Variants in SYT14 observed in about 807,000 individuals in gnomAD.
SYT14 encodes synaptotagmin 14.
SYT14 carries 32 observed loss-of-function variants against 74.2 expected under a neutral mutation model. That is an observed-to-expected ratio of 0.43 (90% CI 0.33 to 0.58). The LOEUF (loss-of-function observed/expected upper bound fraction) is 0.58, where lower values mean the gene tolerates loss of function less well. SYT14 is among the 20% of genes least tolerant of loss of function. The pLI, the probability that SYT14 is intolerant of heterozygous loss-of-function variation, is 0.05. For missense variants in SYT14, 791 were observed against 981.8 expected (o/e 0.81, Z 2.60); for synonymous variants, 298 against 337.7 (o/e 0.88, Z 1.29).
intron 5 of SYT14, among the ~76,000 whole-genome samples, chr1:210,062,152 G>A (rs1390408339): frequency 6.6e-6 from 1 of 151,944 alleles, no homozygotes; most frequent in East Asian, 1.9e-4. Flanking sequence ...ATGCATGACT[G>A]TCTGGTGTGC....
intron 2 of SYT14, among the ~76,000 whole-genome samples, chr1:209,980,945 T>C (rs2079472690): frequency 6.6e-6 from 1 of 152,232 alleles, no homozygotes; most frequent in Non-Finnish European, 1.5e-5. Flanking sequence ...TTTTTGTCCA[T>C]ATGAATTTTA....
intron 5 of SYT14, among the ~76,000 whole-genome samples, chr1:210,079,006 T>C (rs1461224239): frequency 6.6e-6 from 1 of 152,132 alleles, no homozygotes; most frequent in Non-Finnish European, 1.5e-5. Context: ...CAGCCCGTCC[T>C]GGCCTCTAAG....
intron 5 of SYT14, among the ~76,000 whole-genome samples, chr1:210,029,394 G>A (rs2080480584): frequency 6.6e-6 from 1 of 152,046 alleles, no homozygotes; most frequent in Non-Finnish European, 1.5e-5. Context: ...GAGTTTCGTA[G>A]TTTTAAGTCT....
In SYT14 at chr1:210,016,588, A is replaced by G. The variant is rs1022909497; in HGVS notation, c.585A>G (p.Gln195=). 48 of 1,231,886 alleles carry G rather than the reference A, an allele frequency of 3.9e-5. No homozygotes were observed. In the East Asian group the frequency reaches 1.5e-3, roughly 38 times the overall value. 76.3% of individuals were successfully genotyped at this position (1,231,886 alleles called of 1,614,324 possible). A position where few individuals can be genotyped will look rare whatever the true frequency, so the allele number is the denominator to read the frequency against. The change falls in exon 4 of 10, where the codon CAA becomes CAG. Residue 195 remains glutamine (Q), a synonymous_variant. Coordinates refer to ENST00000637265, the Ensembl canonical transcript of SYT14. ...ATGATTTAAAGGAGGTAGGATATCAAGAAATGAAAGGAAATCAGAAGAATG... is the reference window on the plus strand; with the variant it reads ...ATGATTTAAAGGAGGTAGGATATCAGGAAATGAAAGGAAATCAGAAGAATG...
chr1:210,005,016 C>G (rs1572145610), intron 2 of SYT14, among the ~76,000 whole-genome samples: 1 of 151,920 alleles, frequency 6.6e-6, no homozygotes, highest in East Asian at 1.9e-4. Context: ...CTTGTCATCA[C>G]TAACTGAACT....
intron 7 of SYT14, among the ~76,000 whole-genome samples, chr1:210,143,526 T>C (rs2102678510): frequency 6.6e-6 from 1 of 152,242 alleles, no homozygotes; most frequent in Middle Eastern, 3.4e-3. Flanking sequence ...ATGTCATATA[T>C]TATTTAGCGC....
Position 210,039,382 on chromosome 1 carries a change from A to G in SYT14, c.1312+18128A>G, listed in dbSNP as rs528518091. On this transcript the variant is annotated intron_variant, in intron 5 of 9. Transcript: ENST00000637265. ...TGCAGAATCTCCTGCCTCAGCCCCA[A>G]TCAAGATGGATTAAAGACTTAAACG... Among the ~76,000 whole-genome samples the G allele has an allele frequency of 3.3e-5, 5 of 151,998 alleles. No homozygotes were observed. The South Asian group carries it at 8.3e-4, about 25-fold the overall frequency.
At chr1:210,157,849 A>G (rs1184156291) in intron 8 of SYT14, among the ~76,000 whole-genome samples, 6 of 152,096 alleles carry the variant, frequency 3.9e-5, no homozygotes. Context: ...TGTCGTAAAA[A>G]TTATTTATTC....
Position 210,145,786 on chromosome 1 carries a change from T to C in SYT14, c.2035-9935T>C, listed in dbSNP as rs186101663. Among the ~76,000 whole-genome samples the C allele has an allele frequency of 9.8e-5, 15 of 152,288 alleles. No homozygotes were observed. In the East Asian group the frequency reaches 2.9e-3, roughly 29 times the overall value. ...CATACTTTCTTTGTGTGAAATGCCCTTCCCTATGCCTGCTGAAATACTATT... is the reference window on the plus strand; with the variant it reads ...CATACTTTCTTTGTGTGAAATGCCCCTCCCTATGCCTGCTGAAATACTATT... On this transcript the variant is annotated intron_variant, in intron 7 of 9. Transcript: ENST00000637265.
chr1:210,047,342 T>G (rs990628552), intron 5 of SYT14, among the ~76,000 whole-genome samples: 3 of 152,146 alleles, frequency 2.0e-5, no homozygotes, highest in Non-Finnish European at 4.4e-5. Context: ...TGCTTAGGTA[T>G]AGTTTTTTTT....
intron 2 of SYT14, among the ~76,000 whole-genome samples, chr1:210,009,348 G>T (rs566402116): frequency 6.6e-6 from 1 of 152,020 alleles, no homozygotes; most frequent in Non-Finnish European, 1.5e-5. Flanking sequence ...TTTATTAGAA[G>T]ATATTTTATT....
chr1:210,045,416 A>G (rs1188614025), intron 5 of SYT14, among the ~76,000 whole-genome samples: 1 of 152,232 alleles, frequency 6.6e-6, no homozygotes, highest in Non-Finnish European at 1.5e-5. Context: ...TTAAAAATTT[A>G]TAAGTTTAGT....
chr1:210,050,995 T>C (rs1199782398), intron 5 of SYT14, among the ~76,000 whole-genome samples: 1 of 152,196 alleles, frequency 6.6e-6, no homozygotes, highest in Non-Finnish European at 1.5e-5. Context: ...GATCTAGGTG[T>C]GCTTGTTACT....
At chr1:210,125,580 A>G (rs2082553353) in intron 7 of SYT14, among the ~76,000 whole-genome samples, 1 of 152,096 alleles carries the variant, frequency 6.6e-6, no homozygotes, top group African/African-American at 2.4e-5. Context: ...TCAGCTTTTC[A>G]GTGTTCTAGG....
chr1:210,131,386 G>A (rs990675260), intron 7 of SYT14, among the ~76,000 whole-genome samples: 1 of 151,930 alleles, frequency 6.6e-6, no homozygotes, highest in African/African-American at 2.4e-5. Flanking sequence ...ATTAATATAT[G>A]TAGAACTTGT....
intron 7 of SYT14, among the ~76,000 whole-genome samples, chr1:210,142,282 T>A (rs1478846502): frequency 2.0e-5 from 3 of 152,192 alleles, no homozygotes; most frequent in South Asian, 4.1e-4. Context: ...ATAGGGTATA[T>A]TTAAAATGCC....
chr1:209,948,496 T>G (rs990608240), intron 1 of SYT14, among the ~76,000 whole-genome samples: 2 of 152,252 alleles, frequency 1.3e-5, no homozygotes, highest in Non-Finnish European at 2.9e-5. Context: ...CTTGTCACTT[T>G]CTATCTGTTT....
At chr1:210,099,704 C>A (rs973126184) in intron 6 of SYT14, among the ~76,000 whole-genome samples, 1 of 152,124 alleles carries the variant, frequency 6.6e-6, no homozygotes, top group Non-Finnish European at 1.5e-5. Context: ...AGCAGATATA[C>A]CCACTAAAGG....
chr1:210,059,451 T>TATAGAGAGAGAGAGAGAGAGAG (rs377050610), intron 5 of SYT14, among the ~76,000 whole-genome samples: 5 of 69,902 alleles, frequency 7.2e-5, no homozygotes, highest in Non-Finnish European at 4.9e-5. Flanking sequence ...TATATATATA[T>TATAGAGAGAGAGAGAGAGAGAG]AGAGAGAGAG....
Sources: gnomAD v4.1 joint callset for allele counts (sites outside exome capture counted in the v4.1 genomes callset) on GRCh38, gnomAD v4.1.1 for gene constraint, MANE v1.5 for transcripts, NCBI Gene and HGNC (gene_info 2026-07-23, HGNC 2026-07-21) for gene names.